The following OSBPL10 variants were observed in gnomAD, a reference collection of about 807,000 sequenced individuals.
The protein encoded by OSBPL10 is oxysterol-binding protein-related protein 10.
A neutral mutation model predicts 81.7 loss-of-function variants in OSBPL10; 49 were observed. The ratio of observed to expected loss-of-function variants is 0.60; its 90% CI spans 0.48 to 0.76. The LOEUF (loss-of-function observed/expected upper bound fraction) is 0.76, where lower values mean the gene tolerates loss of function less well. Ranked by LOEUF, OSBPL10 falls within the 30% of genes least tolerant of loss-of-function variation. The pLI is 0.00. For synonymous variants in OSBPL10, 419 were observed against 383.6 expected (o/e 1.09, Z -1.08); for missense variants, 923 against 987.8 (o/e 0.93, Z 0.88).
At chr3:31,850,537 T>G (rs1466377974) in intron 3 of OSBPL10, among the ~76,000 whole-genome samples, 1 of 152,082 alleles carries the variant, frequency 6.6e-6, no homozygotes, top group Admixed American at 6.5e-5. Flanking sequence ...AGCAAAAAGC[T>G]TCCAACGTGT....
At chr3:32,054,517 C>G (rs1319014553) in intron 1 of OSBPL10, among the ~76,000 whole-genome samples, 1 of 114,556 alleles carries the variant, frequency 8.7e-6, no homozygotes, top group Non-Finnish European at 1.8e-5. Flanking sequence ...ATTTCCTGGT[C>G]AATGGTGGCT....
intron 11 of OSBPL10, 31 bp downstream of exon 11, chr3:31,664,048 G>A (rs1193822732): frequency 1.2e-5 from 20 of 1,614,108 alleles, no homozygotes; most frequent in Non-Finnish European, 1.7e-5. Context: ...TCTCTCCTGG[G>A]CAAGGGACCA....
intron 4 of OSBPL10, among the ~76,000 whole-genome samples, chr3:31,787,492 G>T (rs1483567946): frequency 2.6e-5 from 4 of 151,952 alleles, no homozygotes; most frequent in African/African-American, 9.7e-5. Context: ...CTACTTGGGA[G>T]GCTGAGGCAG....
intron 1 of OSBPL10, among the ~76,000 whole-genome samples, chr3:31,956,336 T>C (rs1349664002): frequency 6.6e-6 from 1 of 152,204 alleles, no homozygotes; most frequent in Admixed American, 6.5e-5. Context: ...GTTCTATTAA[T>C]ATCAGTATGT....
rs908644076 is a variant in OSBPL10, at chr3:31,818,503, G to A, written c.729+11537C>T. Among the ~76,000 whole-genome samples the A allele has an allele frequency of 4.6e-5, 7 of 152,110 alleles. No homozygotes were observed. In the East Asian group the frequency reaches 7.7e-4, roughly 17 times the overall value. On this transcript the variant is annotated intron_variant, in intron 4 of 11. Transcript: ENST00000396556. The stretch of plus-strand genomic sequence containing the variant: ...CACATCCTACTGGTTCCATCTCTCC[G>A]AAGAACCCTGACTAGCACAGCACCA...
chr3:31,848,972 T>C (rs558248735), intron 3 of OSBPL10, among the ~76,000 whole-genome samples: 1 of 152,350 alleles, frequency 6.6e-6, no homozygotes, highest in Non-Finnish European at 1.5e-5. Flanking sequence ...CAGGTCCACT[T>C]TGGTGGCTCT....
rs1249819141 is a variant in OSBPL10 at position 31,964,282 on chromosome 3, G to A, written c.281+16617C>T. Reference sequence around the variant, plus strand: ...AGCAATTCTCCTGCCTCAGGCTCCCGACTAACTGGGACTACAGGTGTGCAC... The same window carrying A: ...AGCAATTCTCCTGCCTCAGGCTCCCAACTAACTGGGACTACAGGTGTGCAC... On this transcript the variant is annotated intron_variant, in intron 1 of 11. Coordinates refer to ENST00000396556, the MANE Select transcript of OSBPL10 (RefSeq NM_017784.5). Among the ~76,000 whole-genome samples, 7 of 152,160 alleles carry A rather than the reference G, an allele frequency of 4.6e-5. No homozygotes were observed. In the South Asian group the frequency reaches 1.0e-3, roughly 23 times the overall value.
chr3:31,674,952 G>A (rs1700427499), intron 8 of OSBPL10, among the ~76,000 whole-genome samples: 1 of 152,206 alleles, frequency 6.6e-6, no homozygotes, highest in South Asian at 2.1e-4. Flanking sequence ...GCTAAGCGAG[G>A]ATGTTGCTAG....
In OSBPL10 at chr3:31,769,398, T is replaced by C. The variant is rs181771424; in HGVS notation, c.730-21278A>G. 2.9e-3 allele frequency among the ~76,000 whole-genome samples: 345 copies of C among 117,396 alleles called. 11 individuals carry two copies. Among genetic ancestry groups the C allele is most frequent in the African/African-American group, 0.01 (316 of 31,312 alleles). The allele number at this position is 117,396 out of a possible 152,430, so 77.0% of individuals were successfully genotyped here. A position where few individuals can be genotyped will look rare whatever the true frequency, so the allele number is the denominator to read the frequency against. Reference sequence around the variant, plus strand: ...AGACAGAGGTTGCAGTGAGCCGAGATCACGCCACTGCACTCCAGCCTGGGC... The same window carrying C: ...AGACAGAGGTTGCAGTGAGCCGAGACCACGCCACTGCACTCCAGCCTGGGC... On this transcript the variant is annotated intron_variant, in intron 4 of 11. Coordinates refer to ENST00000396556, the MANE Select transcript of OSBPL10 (RefSeq NM_017784.5).
intron 1 of OSBPL10, among the ~76,000 whole-genome samples, chr3:31,908,264 G>A (rs1285354625): frequency 6.6e-6 from 1 of 152,012 alleles, no homozygotes; most frequent in Non-Finnish European, 1.5e-5. Context: ...GATATAAAGG[G>A]AGACCCCAGG....
chr3:32,030,101 A>T (rs907522679), intron 2 of OSBPL10: 2 of 192,894 alleles, frequency 1.0e-5, no homozygotes, highest in African/African-American at 4.8e-5. Context: ...TTAGAGGCTA[A>T]ATTTATGATA....
At chr3:31,766,337 G>C (rs9713966) in intron 4 of OSBPL10, among the ~76,000 whole-genome samples, 1 of 26,780 alleles carries the variant, frequency 3.7e-5, no homozygotes, top group East Asian at 3.6e-3. Flanking sequence ...TTGTTTTTTT[G>C]TTTTTTTTTG....
At chr3:31,716,562 T>TA (rs1696444018) in intron 6 of OSBPL10, among the ~76,000 whole-genome samples, 1 of 152,174 alleles carries the variant, frequency 6.6e-6, no homozygotes, top group South Asian at 2.1e-4. Context: ...GCAGGTGTGA[T>TA]AGGGGCCTGG....
At chr3:31,973,402 T>A (rs527808675) in intron 1 of OSBPL10, among the ~76,000 whole-genome samples, 1 of 152,318 alleles carries the variant, frequency 6.6e-6, no homozygotes, top group South Asian at 2.1e-4. Context: ...CTAGTCTATC[T>A]AAAATACAAG....
At chr3:31,713,013 TG>T (rs1272820184) in intron 6 of OSBPL10, among the ~76,000 whole-genome samples, 2 of 152,256 alleles carry the variant, frequency 1.3e-5, no homozygotes, top group African/African-American at 4.8e-5. Flanking sequence ...TCAGCCACTC[TG>T]GCAAAGCCAC....
At chr3:31,928,955 T>A (rs1486329474) in intron 1 of OSBPL10, among the ~76,000 whole-genome samples, 1 of 152,218 alleles carries the variant, frequency 6.6e-6, no homozygotes, top group Admixed American at 6.5e-5. Context: ...ATAAAAGAGC[T>A]GACTTGCACA....
intron 9 of OSBPL10, among the ~76,000 whole-genome samples, chr3:31,670,230 T>C (rs1700288951): frequency 6.6e-6 from 1 of 152,228 alleles, no homozygotes; most frequent in African/African-American, 2.4e-5. Context: ...GAAGTTTGTT[T>C]GTACAGTATA....
At chr3:31,963,107 C>T (rs181345599) in intron 1 of OSBPL10, among the ~76,000 whole-genome samples, 1 of 152,090 alleles carries the variant, frequency 6.6e-6, no homozygotes, top group East Asian at 1.9e-4. Flanking sequence ...ACAAAGAACT[C>T]CTCTATCTCC....
At chr3:31,927,986 G>A (rs968903246) in intron 1 of OSBPL10, among the ~76,000 whole-genome samples, 5 of 152,074 alleles carry the variant, frequency 3.3e-5, no homozygotes, top group Admixed American at 2.0e-4. Context: ...GGCCCGAAAA[G>A]GATAGGTTGC....
Sources: allele counts gnomAD v4.1 joint callset (sites outside exome capture counted in the v4.1 genomes callset), GRCh38; gene constraint gnomAD v4.1.1; transcripts MANE v1.5; gene names NCBI Gene and HGNC (gene_info 2026-07-23, HGNC 2026-07-21).